Variants in MTSS1 observed in about 807,000 individuals in gnomAD.
MTSS1 encodes the protein MTSS I-BAR domain containing 1, also known as protein MTSS 1.
Under a neutral mutation model 79.0 loss-of-function variants are expected in MTSS1, and 18 were observed. The observed-to-expected ratio is 0.23, with a 90% CI of 0.16 to 0.34. MTSS1 has a LOEUF of 0.34. MTSS1 is among the 10% of genes least tolerant of loss of function. The pLI is 1.00. For missense variants in MTSS1, 815 were observed against 986.2 expected (o/e 0.83, Z 2.33); for synonymous variants, 341 against 368.6 (o/e 0.93, Z 0.86).
At chr8:124,587,471 T>TAAGGGA (rs1831060508) in intron 5 of MTSS1, among the ~76,000 whole-genome samples, 2 of 152,174 alleles carry the variant, frequency 1.3e-5, no homozygotes, top group Non-Finnish European at 2.9e-5. Context: ...AACTTCAAGT[T>TAAGGGA]AGGGTAGGGG....
intron 3 of MTSS1, among the ~76,000 whole-genome samples, chr8:124,633,418 G>A (rs1022710906): frequency 2.6e-5 from 4 of 152,094 alleles, no homozygotes; most frequent in African/African-American, 9.7e-5. Context: ...TTAGTCTTGG[G>A]CCTTAGCTCT....
intron 3 of MTSS1, among the ~76,000 whole-genome samples, chr8:124,659,165 TGA>T (rs1438070891): frequency 8.7e-6 from 1 of 115,182 alleles, no homozygotes; most frequent in Admixed American, 9.2e-5. Flanking sequence ...GAATCATGGA[TGA>T]TTCGATGAAA....
At chr8:124,591,480 A>C (rs571299894) in intron 3 of MTSS1, among the ~76,000 whole-genome samples, 1 of 151,994 alleles carries the variant, frequency 6.6e-6, no homozygotes, top group Non-Finnish European at 1.5e-5. Context: ...TATATACCAC[A>C]CTCTGTTAGT....
At chr8:124,660,503 AG>A (rs1317050979) in intron 3 of MTSS1, among the ~76,000 whole-genome samples, 3 of 151,418 alleles carry the variant, frequency 2.0e-5, no homozygotes, top group Non-Finnish European at 4.4e-5. Flanking sequence ...GGCAAGATCA[AG>A]GGGATAAATC....
intron 3 of MTSS1, among the ~76,000 whole-genome samples, chr8:124,696,721 G>T (rs1200779091): frequency 6.6e-6 from 1 of 151,912 alleles, no homozygotes; most frequent in Non-Finnish European, 1.5e-5. Context: ...CGTGATGGTG[G>T]GCGCCTGTAA....
chr8:124,627,383 A>C (rs181415838), intron 3 of MTSS1, among the ~76,000 whole-genome samples: 12 of 152,340 alleles, frequency 7.9e-5, no homozygotes, highest in Non-Finnish European at 1.8e-4. Flanking sequence ...CACCTTCTCC[A>C]CAACCCTCAA....
intron 3 of MTSS1, among the ~76,000 whole-genome samples, chr8:124,696,360 A>G (rs62530740): frequency 0.27 from 41,375 of 152,098 alleles, 5,868 homozygotes; most frequent in East Asian, 0.5. Flanking sequence ...AATAAAAGTC[A>G]CTTCTGACAC....
intron 3 of MTSS1, among the ~76,000 whole-genome samples, chr8:124,663,925 G>A (rs1215524002): frequency 2.0e-5 from 3 of 152,222 alleles, no homozygotes; most frequent in Non-Finnish European, 4.4e-5. Flanking sequence ...GGGCTCCTCA[G>A]GAGATGACAC....
chr8:124,716,121 C>A (rs545406364), intron 1 of MTSS1, among the ~76,000 whole-genome samples: 1 of 152,284 alleles, frequency 6.6e-6, no homozygotes, highest in South Asian at 2.1e-4. Context: ...TTGAGGAACG[C>A]AGTCTAGCAG....
intron 3 of MTSS1, among the ~76,000 whole-genome samples, chr8:124,625,322 T>C (rs1026191684): frequency 6.6e-6 from 1 of 152,120 alleles, no homozygotes; most frequent in Non-Finnish European, 1.5e-5. Context: ...CAGGAGAATA[T>C]ATAAAATGTA....
intron 3 of MTSS1, among the ~76,000 whole-genome samples, chr8:124,633,341 A>G (rs920818974): frequency 6.6e-6 from 1 of 152,272 alleles, no homozygotes; most frequent in Middle Eastern, 3.4e-3. Context: ...TGACTCAATA[A>G]AAGGAGTCCT....
At chr8:124,568,212 G>T in intron 7 of MTSS1, 167 bp downstream of exon 7, 1 of 772,238 alleles carries the variant, frequency 1.3e-6, no homozygotes, top group Non-Finnish European at 2.0e-6. Context: ...TGAGGAGTGA[G>T]CTACATGGCC....
intron 3 of MTSS1, among the ~76,000 whole-genome samples, chr8:124,625,793 T>C (rs2133678939): frequency 6.6e-6 from 1 of 152,310 alleles, no homozygotes; most frequent in Non-Finnish European, 1.5e-5. Context: ...TCCCAGGCAC[T>C]GCTGCAAGAT....
rs531547515 is a variant in MTSS1, at chr8:124,555,684, A to G, written c.1567+58T>C. ...GGTTAAAATGGACCAGCAGTTTTCT[A>G]TCTCCTCACCTGGTGCTGCTCAGAA... is the stretch of plus-strand genomic sequence containing the variant. On this transcript the variant is annotated intron_variant, in intron 13 of 13. Coordinates refer to ENST00000518547, the MANE Select transcript of MTSS1 (RefSeq NM_014751.6). 8.1e-6 allele frequency: 12 copies of G among 1,489,412 alleles called. No individual in the cohort carries two copies. In the East Asian group the frequency reaches 1.7e-4, roughly 21 times the overall value. 92.3% of individuals were successfully genotyped at this position (1,489,412 alleles called of 1,614,324 possible).
In MTSS1 at chr8:124,584,275, G is replaced by T. The variant is rs567727859; in HGVS notation, c.460+812C>A. ...AAATTAATGGTAAACACCACCCACA[G>T]AGCAGCCTGACGGAAGAATCCCATC... On this transcript the variant is annotated intron_variant, in intron 6 of 13. Coordinates refer to ENST00000518547, the MANE Select transcript of MTSS1 (RefSeq NM_014751.6). 4.9e-4 allele frequency among the ~76,000 whole-genome samples: 74 copies of T among 152,222 alleles called. 2 individuals are homozygous for T. The highest frequency in any genetic ancestry group is 1.0e-3 in the Admixed American group (16 of 15,278).
At chr8:124,688,654 A>T (rs940162896) in intron 3 of MTSS1, among the ~76,000 whole-genome samples, 17 of 152,226 alleles carry the variant, frequency 1.1e-4, no homozygotes, top group Non-Finnish European at 4.4e-5. Context: ...TTAACAAACA[A>T]GCAAACCAAA....
intron 1 of MTSS1, among the ~76,000 whole-genome samples, chr8:124,721,960 C>T (rs28591631): frequency 0.024 from 3,725 of 152,234 alleles, 132 homozygotes; most frequent in African/African-American, 0.085. Context: ...GCCCTTGGAG[C>T]CCCTGTCGCA....
At chr8:124,601,062 A>ATTTTTTT (rs35966615) in intron 3 of MTSS1, among the ~76,000 whole-genome samples, 37 of 88,646 alleles carry the variant, frequency 4.2e-4, no homozygotes, top group African/African-American at 1.2e-3. Flanking sequence ...CTTGACTGTA[A>ATTTTTTT]TTTTTTTTTT....
intron 3 of MTSS1, among the ~76,000 whole-genome samples, chr8:124,657,086 A>G (rs1821095383): frequency 1.3e-5 from 2 of 152,234 alleles, no homozygotes; most frequent in African/African-American, 4.8e-5. Flanking sequence ...TAATGATGTG[A>G]ATGAATGATT....
Sources: allele counts gnomAD v4.1 joint callset (sites outside exome capture counted in the v4.1 genomes callset), GRCh38; gene constraint gnomAD v4.1.1; transcripts MANE v1.5; gene names NCBI Gene and HGNC (gene_info 2026-07-23, HGNC 2026-07-21).